The following AATF variants were observed in gnomAD, a reference collection of about 807,000 sequenced individuals.
AATF encodes protein AATF.
A neutral mutation model predicts 63.7 loss-of-function variants in AATF; 48 were observed. The ratio of observed to expected loss-of-function variants is 0.75; its 90% confidence interval spans 0.60 to 0.96. The LOEUF is 0.96. Ranked by LOEUF, AATF falls within the 40% of genes least tolerant of loss-of-function variation. The pLI is 0.00. For synonymous variants in AATF, 258 were observed against 247.7 expected (o/e 1.04, Z -0.39); for missense variants, 639 against 685.7 (o/e 0.93, Z 0.76).
At chr17:36,993,795 A>G (rs945452752) in intron 8 of AATF, among the ~76,000 whole-genome samples, 6 of 152,142 alleles carry the variant, frequency 3.9e-5, no homozygotes, top group African/African-American at 1.2e-4. Flanking sequence ...TTAATGTTCC[A>G]TTGTAAGGGT....
chr17:37,005,899 G>T (rs530608580), intron 8 of AATF, among the ~76,000 whole-genome samples: 1 of 152,256 alleles, frequency 6.6e-6, no homozygotes, highest in African/African-American at 2.4e-5. Flanking sequence ...AGGTCAAGGT[G>T]GGAAGATTGC....
At chr17:37,044,329 C>T (rs966808877) in intron 11 of AATF, among the ~76,000 whole-genome samples, 1 of 152,080 alleles carries the variant, frequency 6.6e-6, no homozygotes, top group Admixed American at 6.6e-5. Context: ...AGGGCCGGCT[C>T]CTTATTTTGT....
chr17:36,964,955 C>T (rs543591296), intron 4 of AATF, among the ~76,000 whole-genome samples: 5 of 152,244 alleles, frequency 3.3e-5, no homozygotes, highest in Non-Finnish European at 5.9e-5. Context: ...TTTGTTATCT[C>T]AGTTTACTGT....
chr17:36,982,585 C>T (rs1322537306), intron 4 of AATF, among the ~76,000 whole-genome samples: 1 of 152,174 alleles, frequency 6.6e-6, no homozygotes, highest in African/African-American at 2.4e-5. Context: ...CATCTCCTGA[C>T]CTCGTGACCA....
rs1359120270 is a variant in AATF at position 37,051,630 on chromosome 17, T to C, written c.1620-4971T>C. 2.0e-5 allele frequency among the ~76,000 whole-genome samples: 3 copies of C among 151,758 alleles called. No individual in the cohort carries two copies. The East Asian group carries it at 5.8e-4, about 29-fold the overall frequency. ...TCACAGCTAGCTACAATGTGCATAC[T>C]TTAAGTCTCTTCAGAAGAATCACAT... On this transcript the variant is annotated intron_variant, in intron 11 of 11. Coordinates refer to ENST00000619387, the MANE Select transcript of AATF (RefSeq NM_012138.4).
At chr17:36,956,932 T>C (rs1259178482) in intron 4 of AATF, among the ~76,000 whole-genome samples, 3 of 151,934 alleles carry the variant, frequency 2.0e-5, no homozygotes, top group Non-Finnish European at 2.9e-5. Flanking sequence ...GCTGAGATCG[T>C]GCTAGTGCAC....
chr17:36,978,899 A>G (rs1407129334), intron 4 of AATF, among the ~76,000 whole-genome samples: 1 of 151,876 alleles, frequency 6.6e-6, no homozygotes, highest in Non-Finnish European at 1.5e-5. Flanking sequence ...TTCTTTGTTG[A>G]AGAAGTTAGG....
chr17:37,017,695 T>C (rs1391735277), intron 8 of AATF, among the ~76,000 whole-genome samples: 1 of 152,298 alleles, frequency 6.6e-6, no homozygotes, highest in African/African-American at 2.4e-5. Context: ...ATGTCCAAAA[T>C]AAGCAAATGA....
At chr17:37,008,632 C>T (rs1468393457) in intron 8 of AATF, among the ~76,000 whole-genome samples, 1 of 152,094 alleles carries the variant, frequency 6.6e-6, no homozygotes. Context: ...GGGGGGCTGA[C>T]ACAGGAAGAT....
At chr17:37,008,815 T>C (rs900623280) in intron 8 of AATF, among the ~76,000 whole-genome samples, 3 of 152,186 alleles carry the variant, frequency 2.0e-5, no homozygotes, top group African/African-American at 7.2e-5. Context: ...GCCACTGCAC[T>C]CCAGTGTGAG....
rs1435682603 is a variant in AATF, at chr17:36,996,738, G to A, written c.1398+5881G>A. On this transcript the variant is annotated intron_variant, in intron 8 of 11. Transcript: ENST00000619387. ...GTTGCTAGCTTGGGCTCACTGTTGT[G>A]GAAGCTGCACAGAACAGGAAGCAAA... Among the ~76,000 whole-genome samples the A allele has an allele frequency of 3.9e-5, 6 of 152,256 alleles. No individual in the cohort carries two copies. In the East Asian group the frequency reaches 1.2e-3, roughly 29 times the overall value.
intron 4 of AATF, among the ~76,000 whole-genome samples, chr17:36,981,449 CT>C (rs753771082): frequency 1.6e-3 from 233 of 143,426 alleles, no homozygotes; most frequent in Non-Finnish European, 1.4e-3. Context: ...ACTTTTCTTT[CT>C]TTTTTTTTTT....
intron 4 of AATF, among the ~76,000 whole-genome samples, chr17:36,983,265 A>G (rs920303439): frequency 2.7e-5 from 4 of 149,926 alleles, no homozygotes; most frequent in African/African-American, 7.4e-5. Context: ...CTGGTCTTGA[A>G]CTCCTGGTCT....
At chr17:36,954,015 C>T in intron 4 of AATF, 108 bp downstream of exon 4, 2 of 1,136,754 alleles carry the variant, frequency 1.8e-6, no homozygotes, top group Admixed American at 2.6e-5. Flanking sequence ...GTGCTTTCTT[C>T]TCATCTGCCC....
chr17:36,986,488 T>TA, intron 4 of AATF, 129 bp from the exon 5 acceptor site: 1 of 683,804 alleles, frequency 1.5e-6, no homozygotes, highest in Non-Finnish European at 2.6e-6. Context: ...ATTTAGTTCC[T>TA]GTGTGTATCC....
chr17:37,031,848 C>A (rs1046250098), intron 11 of AATF, among the ~76,000 whole-genome samples, 163 bp downstream of exon 11: 3 of 152,148 alleles, frequency 2.0e-5, no homozygotes, highest in Non-Finnish European at 4.4e-5. Context: ...ACTATAAAAC[C>A]AAACCAAAAA....
At chr17:36,968,258 CT>C (rs2071008619) in intron 4 of AATF, among the ~76,000 whole-genome samples, 1 of 72,708 alleles carries the variant, frequency 1.4e-5, no homozygotes, top group African/African-American at 5.7e-5. Flanking sequence ...CTTTTTCTTT[CT>C]TTCCTTCTTT....
chr17:36,977,475 G>GTT (rs906130291), intron 4 of AATF, among the ~76,000 whole-genome samples: 4 of 145,672 alleles, frequency 2.7e-5, no homozygotes, highest in African/African-American at 7.5e-5. Flanking sequence ...AGCAGAGGCT[G>GTT]TTTTTTTTTT....
At position 37,056,640 on chromosome 17, in the gene AATF, T is replaced by A; in HGVS notation, c.1659T>A (p.Pro553=). ...LYRSLFGQLH[P]PDEGHGD is the part of the protein sequence containing the mutation. ...GCTCTCTTTTTGGCCAGCTCCACCC[T>A]CCCGACGAAGGCCACGGGGATTGAC... Residue 553 remains proline, a synonymous_variant, in exon 12 of 12, where the codon CCT becomes CCA. Transcript: ENST00000619387. The A allele has an allele frequency of 6.2e-7, 1 of 1,614,224 alleles. No individual in the cohort carries two copies. Among genetic ancestry groups the A allele is most frequent in the Non-Finnish European group, 8.5e-7 (1 of 1,180,046 alleles).
Sources: gnomAD v4.1 joint callset for allele counts (sites outside exome capture counted in the v4.1 genomes callset) on GRCh38, gnomAD v4.1.1 for gene constraint, MANE v1.5 for transcripts, NCBI Gene and HGNC (gene_info 2026-07-23, HGNC 2026-07-21) for gene names.